PCDHGA10: variants seen among roughly 807,000 people sequenced by gnomAD.
The protein encoded by PCDHGA10 is protocadherin gamma subfamily A, 10, also known as protocadherin gamma-A10.
In PCDHGA10, 42 loss-of-function variants were observed where a neutral mutation model predicts 59.5. That is an observed-to-expected ratio of 0.71 (90% confidence interval 0.55 to 0.91). The LOEUF is 0.91. Among genes scored for constraint, PCDHGA10 ranks in the 40% least tolerant of loss-of-function variants. The pLI is 0.00. For missense variants in PCDHGA10, 1,111 were observed against 1,198.2 expected (o/e 0.93, Z 1.07); for synonymous variants, 511 against 517.2 (o/e 0.99, Z 0.16).
chr5:141,496,923 C>T (rs963522127), intron 2 of PCDHGA10, among the ~76,000 whole-genome samples: 9 of 150,728 alleles, frequency 6.0e-5, no homozygotes, highest in East Asian at 1.9e-4. Context: ...CTGTGGTTCA[C>T]GCCTGTAATC....
chr5:141,471,017 A>G (rs989277146), intron 1 of PCDHGA10, among the ~76,000 whole-genome samples: 3 of 143,850 alleles, frequency 2.1e-5, no homozygotes, highest in African/African-American at 7.8e-5. Context: ...GTGCCTGGTC[A>G]ATCATTTTTA....
At chr5:141,426,451 C>A in intron 1 of PCDHGA10, 1 of 308,946 alleles carries the variant, frequency 3.2e-6, no homozygotes, top group South Asian at 3.0e-5. Flanking sequence ...GGACATGCGG[C>A]TGCATGTTCA....
rs966291038 is a variant in PCDHGA10, at chr5:141,487,740, G to A, written c.2437-7067G>A. 4 of 1,562,290 alleles carry A rather than the reference G, an allele frequency of 2.6e-6. No individual in the cohort carries two copies. The highest frequency in any genetic ancestry group is 1.7e-6 in the Non-Finnish European group (2 of 1,151,972). On this transcript the variant is annotated intron_variant, in intron 1 of 3. Transcript: ENST00000398610. The surrounding 1 kb of genome is among the most constrained non-coding windows in gnomAD (Gnocchi z 5.0). ...CATAGTGATGTCACCATTTTTGTAAGAGGTAACTATGTGGTAGACGCTGTG... is the reference window on the plus strand; with the variant it reads ...CATAGTGATGTCACCATTTTTGTAAAAGGTAACTATGTGGTAGACGCTGTG...
Position 141,432,701 on chromosome 5 carries a change from G to A in PCDHGA10, c.2436+17090G>A, listed in dbSNP as rs200101512. ...GCAGAGCCTCGTAGTGGCCGTCCAG[G>A]ACCACGGCCAGCCCCCTCTCTCCGC... On this transcript the variant is annotated intron_variant, in intron 1 of 3. Coordinates refer to ENST00000398610, the MANE Select transcript of PCDHGA10 (RefSeq NM_018913.3). This position sits in a 1 kb window ranked among gnomAD's most constrained non-coding sequence, Gnocchi z 6.0. The A allele has an allele frequency of 2.7e-5, 44 of 1,613,842 alleles. No homozygotes were observed. The Admixed American group carries it at 5.3e-4, about 20-fold the overall frequency.
intron 1 of PCDHGA10, chr5:141,423,962 C>A: frequency 1.7e-6 from 2 of 1,168,402 alleles, no homozygotes; most frequent in South Asian, 4.2e-5. Context: ...TATTATTTTT[C>A]TATTATCAGT....
chr5:141,473,312 A>G (rs1432409474), intron 1 of PCDHGA10, among the ~76,000 whole-genome samples: 1 of 152,228 alleles, frequency 6.6e-6, no homozygotes, highest in Non-Finnish European at 1.5e-5. Context: ...TGCTATATTA[A>G]TAAGCATTAA....
chr5:141,497,775 A>G (rs2099779384), intron 2 of PCDHGA10, among the ~76,000 whole-genome samples: 2 of 152,054 alleles, frequency 1.3e-5, no homozygotes, highest in South Asian at 4.2e-4. Context: ...CCCGACCTCA[A>G]CTGATCCACC....
Position 141,431,241 on chromosome 5 carries a change from A to T in PCDHGA10, c.2436+15630A>T. On this transcript the variant is annotated intron_variant, in intron 1 of 3. Coordinates refer to ENST00000398610, the MANE Select transcript of PCDHGA10 (RefSeq NM_018913.3). This position sits in a 1 kb window ranked among gnomAD's most constrained non-coding sequence, Gnocchi z 4.8. ...CCTCTACCCCACGCCTGGGATCCGG[A>T]TATCGGGAAGAACTCTCTGCAGAGC... The T allele has an allele frequency of 6.2e-7, 1 of 1,614,138 alleles. No individual in the cohort carries two copies. The highest frequency in any genetic ancestry group is 8.5e-7 in the Non-Finnish European group (1 of 1,180,046).
At chr5:141,423,440 C>G in intron 1 of PCDHGA10, 1 of 1,613,970 alleles carries the variant, frequency 6.2e-7, no homozygotes, top group South Asian at 1.1e-5. Context: ...GGTATGCCCA[C>G]GTCACATTTT....
Position 141,418,795 on chromosome 5 carries a change from A to G in PCDHGA10, c.2436+3184A>G, listed in dbSNP as rs373690093. The G allele has an allele frequency of 6.8e-6, 11 of 1,613,740 alleles. No homozygotes were observed. The African/African-American group carries it at 1.5e-4, about 22-fold the overall frequency. On this transcript the variant is annotated intron_variant, in intron 1 of 3. Transcript: ENST00000398610. Reference sequence around the variant, plus strand: ...AGCAGCCTTTGGATTTTGAAGAAGTAGAAAGATATACGATAAACATAGAAG... The same window carrying G: ...AGCAGCCTTTGGATTTTGAAGAAGTGGAAAGATATACGATAAACATAGAAG...
chr5:141,498,940 A>G (rs527366029), intron 2 of PCDHGA10, among the ~76,000 whole-genome samples: 57 of 140,142 alleles, frequency 4.1e-4, no homozygotes, highest in Non-Finnish European at 7.3e-4. Flanking sequence ...CAGGAAAGAA[A>G]GAAAGAAAAA....
chr5:141,465,629 C>A (rs1048373153), intron 1 of PCDHGA10, among the ~76,000 whole-genome samples: 1 of 152,204 alleles, frequency 6.6e-6, no homozygotes, highest in Non-Finnish European at 1.5e-5. Flanking sequence ...AGTCAACCAG[C>A]AAAATGCTTT....
In PCDHGA10 at chr5:141,413,089, C is replaced by CTT; in HGVS notation, c.-87_-86insTT. The CTT allele has an allele frequency of 7.1e-7, 1 of 1,401,124 alleles. No homozygotes were observed. Among genetic ancestry groups the CTT allele is most frequent in the South Asian group, 1.4e-5 (1 of 70,442 alleles). The allele number at this position is 1,401,124 out of a possible 1,614,324, so 86.8% of individuals were successfully genotyped here. On this transcript the variant is annotated 5_prime_UTR_variant, in exon 1 of 4. Transcript: ENST00000398610. ...TTAAAGTGCCCAGGCTACAGAGACA[C>CTT]CCTGAAGCCACAGAAAGACAAAGGA...
In PCDHGA10 at chr5:141,431,675, G is replaced by A. The variant is rs778040824; in HGVS notation, c.2436+16064G>A. Reference sequence around the variant, plus strand: ...TTCAGGGACAATATCAACAATAGGGGAGTTGGACCACGAGGAGTCAGGATT... The same window carrying A: ...TTCAGGGACAATATCAACAATAGGGAAGTTGGACCACGAGGAGTCAGGATT... On this transcript the variant is annotated intron_variant, in intron 1 of 3. Coordinates refer to ENST00000398610, the MANE Select transcript of PCDHGA10 (RefSeq NM_018913.3). The surrounding 1 kb of genome is among the most constrained non-coding windows in gnomAD (Gnocchi z 4.8). 5.6e-6 allele frequency: 9 copies of A among 1,614,230 alleles called. No homozygotes were observed. Among genetic ancestry groups the A allele is most frequent in the Admixed American group, 1.7e-5 (1 of 60,028 alleles).
In PCDHGA10 at chr5:141,432,038, C is replaced by T. The variant is rs202246871; in HGVS notation, c.2436+16427C>T. ...CAACATCACAGTGACCGCCACTGAC[C>T]GGGGAACCCCGCCCCTATCCACGGA... On this transcript the variant is annotated intron_variant, in intron 1 of 3. Coordinates refer to ENST00000398610, the MANE Select transcript of PCDHGA10 (RefSeq NM_018913.3). The surrounding 1 kb of genome is among the most constrained non-coding windows in gnomAD (Gnocchi z 6.0). 15 of 1,614,190 alleles carry T rather than the reference C, an allele frequency of 9.3e-6. No individual in the cohort carries two copies. The African/African-American group carries it at 1.5e-4, about 16-fold the overall frequency.
chr5:141,416,615 C>T (rs1156238298), intron 1 of PCDHGA10: 1 of 152,088 alleles, frequency 6.6e-6, no homozygotes, highest in Non-Finnish European at 1.5e-5. Context: ...AATGCCATTT[C>T]TGCAGATCAG....
At position 141,489,720 on chromosome 5, in the gene PCDHGA10, G is replaced by T. The variant is rs560729125; in HGVS notation, c.2437-5087G>T. 1.9e-6 allele frequency: 3 copies of T among 1,614,200 alleles called. No individual in the cohort carries two copies. Among genetic ancestry groups the T allele is most frequent in the Middle Eastern group, 1.6e-4 (1 of 6,062 alleles). ...TCCCACTGGACAGTGCCCAGGATCC[G>T]GATGTGGGCACCAATACTGTGAGCT... On this transcript the variant is annotated intron_variant, in intron 1 of 3. Transcript: ENST00000398610. This position sits in a 1 kb window ranked among gnomAD's most constrained non-coding sequence, Gnocchi z 4.5.
At chr5:141,423,029 A>C (rs1049470142) in intron 1 of PCDHGA10, 1 of 1,614,218 alleles carries the variant, frequency 6.2e-7, no homozygotes, top group Non-Finnish European at 8.5e-7. Context: ...GATTCAGGCC[A>C]GAACGCCTGG....
At chr5:141,422,789 T>A (rs776409955) in intron 1 of PCDHGA10, 16 of 1,614,158 alleles carry the variant, frequency 9.9e-6, no homozygotes, top group Non-Finnish European at 1.4e-5. Context: ...CTACAATCCT[T>A]CGACTATGAG....
Sources: gnomAD v4.1 joint callset for allele counts (sites outside exome capture counted in the v4.1 genomes callset) on GRCh38, gnomAD v4.1.1 for gene constraint, Gnocchi (gnomAD v3.1) non-coding constraint, MANE v1.5 for transcripts, NCBI Gene and HGNC (gene_info 2026-07-23, HGNC 2026-07-21) for gene names.